TRMT44: variants seen among roughly 807,000 people sequenced by gnomAD.
TRMT44 encodes probable tRNA (uracil-O(2)-)-methyltransferase.
A neutral mutation model predicts 77.3 loss-of-function variants in TRMT44; 78 were observed. The observed-to-expected ratio is 1.01, with a 90% CI of 0.84 to 1.22. The LOEUF is 1.22. TRMT44 is among the 50% of genes most tolerant of loss of function. The probability of loss-of-function intolerance (pLI) is 0.00; values close to 1 mark genes in which losing one functional copy is unlikely to be tolerated. For missense variants in TRMT44, 1,090 were observed against 964.4 expected (o/e 1.13, Z -1.73); for synonymous variants, 391 against 383.3 (o/e 1.02, Z -0.23).
At position 8,446,063 on chromosome 4, in the gene TRMT44, G is replaced by A. The variant is rs190046108; in HGVS notation, c.620-413G>A. 4.0e-3 allele frequency among the ~76,000 whole-genome samples: 603 copies of A among 152,322 alleles called. 4 individuals carry two copies. The highest frequency in any genetic ancestry group is 6.2e-3 in the Non-Finnish European group (425 of 68,024). The stretch of plus-strand genomic sequence containing the variant: ...GTTAGGAAGGCCTGGACTGATATCC[G>A]CTTTCCTGAACTGGCCTCTGATGGC... On this transcript the variant is annotated intron_variant, in intron 1 of 10. Transcript: ENST00000389737. The surrounding 1 kb of genome is among the most constrained non-coding windows in gnomAD (Gnocchi z 4.3).
intron 3 of TRMT44, among the ~76,000 whole-genome samples, chr4:8,450,353 T>C (rs1458448375): frequency 6.6e-6 from 1 of 152,060 alleles, no homozygotes; most frequent in East Asian, 1.9e-4. Flanking sequence ...TAGACAGATA[T>C]ATAATGGAAA....
rs1250187186 is a variant in TRMT44 at position 8,446,456 on chromosome 4, TC to T, written c.620-19del. Reference sequence around the variant, plus strand: ...TAGCTAGGCAGTTGTAATTTGTCCTTCTTCTCTTTTTCTTTCCAGATGTCCT... The same window carrying T: ...TAGCTAGGCAGTTGTAATTTGTCCTTTTCTCTTTTTCTTTCCAGATGTCCT... On this transcript the variant is annotated intron_variant, in intron 1 of 10. Transcript: ENST00000389737. This position sits in a 1 kb window ranked among gnomAD's most constrained non-coding sequence, Gnocchi z 4.3. 2.7e-6 allele frequency: 4 copies of T among 1,481,410 alleles called. No individual in the cohort carries two copies. Among genetic ancestry groups the T allele is most frequent in the Non-Finnish European group, 2.7e-6 (3 of 1,097,808 alleles). 91.8% of individuals were successfully genotyped at this position (1,481,410 alleles called of 1,614,324 possible).
At chr4:8,494,552 C>A (rs1728099014), downstream of TRMT44, among the ~76,000 whole-genome samples, 1 of 152,280 alleles carries the variant, frequency 6.6e-6, no homozygotes. Context: ...CGTGGAAGCC[C>A]CTGCTTCCAG....
Position 8,476,195 on chromosome 4 carries a change from C to A in TRMT44, c.*194C>A. On this transcript the variant is annotated 3_prime_UTR_variant, in exon 11 of 11. Transcript: ENST00000389737. ...AGAGAAGCCACAGTTACTCGGAAGC[C>A]CCCAGCTGACTGCCTGGCTTGTTTC... The A allele has an allele frequency of 4.9e-6, 3 of 607,618 alleles. No homozygotes were observed. In the East Asian group the frequency reaches 8.3e-5, roughly 17 times the overall value. The allele number at this position is 607,618 out of a possible 1,614,324, so 37.6% of individuals were successfully genotyped here.
At chr4:8,456,514 A>G (rs1725818431) in intron 6 of TRMT44, among the ~76,000 whole-genome samples, 1 of 151,968 alleles carries the variant, frequency 6.6e-6, no homozygotes, top group Non-Finnish European at 1.5e-5. Flanking sequence ...ATTTCAAGAT[A>G]AATGAATCCA....
At chr4:8,464,957 T>C (rs1253203670) in intron 7 of TRMT44, among the ~76,000 whole-genome samples, 2 of 152,226 alleles carry the variant, frequency 1.3e-5, no homozygotes, top group African/African-American at 4.8e-5. Context: ...AGTAAACTAT[T>C]GCAGAAACCA....
At chr4:8,465,856 C>G (rs1413381060) in intron 8 of TRMT44, among the ~76,000 whole-genome samples, 1 of 152,234 alleles carries the variant, frequency 6.6e-6, no homozygotes, top group Non-Finnish European at 1.5e-5. Context: ...GAGGAGGCCT[C>G]AGTGTGGCCT....
chr4:8,502,141 C>A, the TRMT44 span, among the ~76,000 whole-genome samples: 17 of 152,324 alleles, frequency 1.1e-4, no homozygotes, highest in South Asian at 4.1e-4. Context: ...AAAACGGGGG[C>A]TCCTGTTGAT....
downstream of TRMT44, among the ~76,000 whole-genome samples, chr4:8,480,435 G>C (rs183652314): frequency 8.8e-4 from 134 of 152,242 alleles, 1 homozygote; most frequent in African/African-American, 3.2e-3. Flanking sequence ...TTGCACTCCG[G>C]ACGTGAGCAT....
At chr4:8,495,548 C>G (rs62287434), downstream of TRMT44, among the ~76,000 whole-genome samples, 4,219 of 152,282 alleles carry the variant, frequency 0.028, 71 homozygotes, top group Middle Eastern at 0.041. Context: ...CAACTAAATA[C>G]AAAATATTAA....
chr4:8,494,594 C>T (rs565178513), downstream of TRMT44, among the ~76,000 whole-genome samples: 1 of 152,326 alleles, frequency 6.6e-6, no homozygotes, highest in Non-Finnish European at 1.5e-5. Flanking sequence ...AACCAGTGTT[C>T]ATCTTACATA....
chr4:8,477,041 C>T (rs1385450818), downstream of TRMT44: 1 of 152,220 alleles, frequency 6.6e-6, no homozygotes, highest in Non-Finnish European at 1.5e-5. Flanking sequence ...GCGTCTGACC[C>T]CCGATGTTTC....
intron 8 of TRMT44, 112 bp from the exon 9 acceptor site, chr4:8,467,802 C>A: frequency 8.3e-7 from 1 of 1,204,204 alleles, no homozygotes; most frequent in Non-Finnish European, 1.2e-6. Context: ...AGGATTTTTT[C>A]ATGATAGACA....
the TRMT44 span, among the ~76,000 whole-genome samples, chr4:8,500,858 C>T: frequency 6.6e-6 from 1 of 152,184 alleles, no homozygotes; most frequent in Non-Finnish European, 1.5e-5. Context: ...ACGGAGGTTT[C>T]ACCATGTTGA....
At chr4:8,508,622 C>T in the TRMT44 span, among the ~76,000 whole-genome samples, 6 of 152,368 alleles carry the variant, frequency 3.9e-5, no homozygotes, top group South Asian at 2.1e-4. Flanking sequence ...TCTGGCTGAC[C>T]GACTGTGGCC....
the TRMT44 span, among the ~76,000 whole-genome samples, chr4:8,505,638 T>C: frequency 3.2e-4 from 49 of 152,236 alleles, no homozygotes; most frequent in African/African-American, 1.0e-3. Flanking sequence ...GTCCTCACTG[T>C]CACCCTCTCA....
rs536767021 is a variant in TRMT44 at position 8,487,094 on chromosome 4, CTG to C, written n.3892-6170_3892-6169del. Among the ~76,000 whole-genome samples the C allele has an allele frequency of 5.3e-3, 804 of 152,222 alleles. 4 individuals are homozygous for C. Among genetic ancestry groups the C allele is most frequent in the Middle Eastern group, 0.037 (11 of 294 alleles). On this transcript the variant is annotated intron_variant and non_coding_transcript_variant, in intron 2 of 2. Coordinates refer to the TRMT44 transcript ENST00000511366. ...ATGCCTGGACGTCAGGCACATCAGA[CTG>C]TTTGCTATTTTATGACAAGAATTAT...
rs1443822080 is a variant in TRMT44 at position 8,441,090 on chromosome 4, G to C, written c.268G>C (p.Gly90Arg). 1 of 1,505,434 alleles carries C rather than the reference G, an allele frequency of 6.6e-7. No homozygotes were observed. Among genetic ancestry groups the C allele is most frequent in the South Asian group, 1.3e-5 (1 of 79,554 alleles). 93.3% of individuals were successfully genotyped at this position (1,505,434 alleles called of 1,614,324 possible). A position where few individuals can be genotyped will look rare whatever the true frequency, so the allele number is the denominator to read the frequency against. The change falls in exon 1 of 11, where the codon GGA becomes CGA. Residue 90 changes from glycine (G) to arginine (R), a missense_variant. Transcript: ENST00000389737. Reference sequence around the variant, plus strand: ...GGGCCCGGGTCCCAGGTCGCTATCAGGACCCGAGCAGGGCACGGCATGTTG... The same window carrying C: ...GGGCCCGGGTCCCAGGTCGCTATCACGACCCGAGCAGGGCACGGCATGTTG... ...GGGPGPRSLS[G>R]PEQGTACCEL...
At position 8,464,061 on chromosome 4, in the gene TRMT44, TCA is replaced by T. The variant is rs1197910154; in HGVS notation, c.1284_1285del (p.Pro429MetfsTer24). 4 of 1,613,992 alleles carry T rather than the reference TCA, an allele frequency of 2.5e-6. No homozygotes were observed. Among genetic ancestry groups the T allele is most frequent in the Admixed American group, 1.7e-5 (1 of 59,984 alleles). On this transcript the variant is annotated frameshift_variant, in exon 7 of 11. Transcript: ENST00000389737. LOFTEE classifies it high-confidence loss of function. ...TTAATCGGTAACCATTCTGATGAAC[TCA>T]CACCATGGATACCTGTCATTGCAGC...
Sources: allele counts gnomAD v4.1 joint callset (sites outside exome capture counted in the v4.1 genomes callset), GRCh38; gene constraint gnomAD v4.1.1; non-coding constraint Gnocchi (gnomAD v3.1); transcripts MANE v1.5; gene names NCBI Gene and HGNC (gene_info 2026-07-23, HGNC 2026-07-21).